PCDHA3: variants seen among roughly 807,000 people sequenced by gnomAD.
The protein encoded by PCDHA3 is protocadherin alpha 3, also known as protocadherin alpha-3.
PCDHA3 carries 41 observed loss-of-function variants against 62.2 expected under a neutral mutation model. That is an observed-to-expected ratio of 0.66 (90% confidence interval 0.51 to 0.86). The LOEUF is 0.86. Among genes scored for constraint, PCDHA3 ranks in the 40% least tolerant of loss-of-function variants. The pLI, the probability that PCDHA3 is intolerant of heterozygous loss-of-function variation, is 0.00. For synonymous variants in PCDHA3, 640 were observed against 555.4 expected, an observed-to-expected ratio of 1.15 and a Z score of -2.14; for missense variants, 1,304 against 1,241.2, an observed-to-expected ratio of 1.05 and a Z score of -0.76.
intron 1 of PCDHA3, among the ~76,000 whole-genome samples, chr5:140,945,632 A>G (rs1258111936): frequency 6.6e-6 from 1 of 152,168 alleles, no homozygotes; most frequent in African/African-American, 2.4e-5. Flanking sequence ...GGCATAAAAG[A>G]CATGTAGACC....
intron 1 of PCDHA3, among the ~76,000 whole-genome samples, chr5:140,964,719 C>T (rs1042863318): frequency 1.3e-5 from 2 of 151,420 alleles, no homozygotes; most frequent in Non-Finnish European, 2.9e-5. Flanking sequence ...ATCAAATTAC[C>T]ACAGCAAACT....
At chr5:140,858,318 G>A (rs1441459097) in intron 1 of PCDHA3, 1 of 1,596,952 alleles carries the variant, frequency 6.3e-7, no homozygotes, top group African/African-American at 1.3e-5. Flanking sequence ...CAGAGGGTGT[G>A]TTCTGGGGAG....
In PCDHA3 at chr5:140,855,913, A is replaced by G. The variant is rs560286204; in HGVS notation, c.2394+52322A>G. 287 of 1,174,758 alleles carry G rather than the reference A, an allele frequency of 2.4e-4. 22 individuals carry two copies. Among genetic ancestry groups the G allele is most frequent in the Admixed American group, 2.2e-3 (83 of 38,140 alleles). 72.8% of individuals were successfully genotyped at this position (1,174,758 alleles called of 1,614,324 possible). ...AAAGGCATCAGCCAGTTTCTCAAGG[A>G]CTAGGAAGTAGCGTCATTCTGAGAT... On this transcript the variant is annotated intron_variant, in intron 1 of 3. Transcript: ENST00000522353.
At chr5:140,869,204 C>T in intron 1 of PCDHA3, 1 of 1,613,960 alleles carries the variant, frequency 6.2e-7, no homozygotes, top group Non-Finnish European at 8.5e-7. Context: ...CTCCACTACT[C>T]CGTCTCGGAG....
At chr5:140,830,509 A>C (rs1039294822) in intron 1 of PCDHA3, 3 of 1,410,936 alleles carry the variant, frequency 2.1e-6, no homozygotes, top group Non-Finnish European at 2.8e-6. Context: ...CATAATTAAC[A>C]GTTAATTTTT....
chr5:140,932,199 A>C (rs1314795858), intron 1 of PCDHA3, among the ~76,000 whole-genome samples: 2 of 151,894 alleles, frequency 1.3e-5, no homozygotes, highest in African/African-American at 4.8e-5. Context: ...TTTTTCTGTT[A>C]ATATTCTTGA....
intron 1 of PCDHA3, among the ~76,000 whole-genome samples, chr5:140,973,778 T>C (rs910410874): frequency 3.9e-5 from 6 of 152,256 alleles, no homozygotes; most frequent in African/African-American, 1.4e-4. Context: ...ATATTATAGG[T>C]TGCCTATTGG....
chr5:140,873,928 T>C (rs944678136), intron 1 of PCDHA3, among the ~76,000 whole-genome samples: 1 of 152,216 alleles, frequency 6.6e-6, no homozygotes, highest in Non-Finnish European at 1.5e-5. Flanking sequence ...CCCAAAGTGC[T>C]GGGATTACAG....
At chr5:140,822,387 A>C (rs1767293783) in intron 1 of PCDHA3, 2 of 1,614,150 alleles carry the variant, frequency 1.2e-6, no homozygotes, top group East Asian at 4.5e-5. Context: ...GAGAAGAAAC[A>C]CAAGAACACC....
At chr5:140,976,832 A>G (rs246001) in intron 1 of PCDHA3, among the ~76,000 whole-genome samples, 14,161 of 152,268 alleles carry the variant, frequency 0.093, 806 homozygotes, top group Middle Eastern at 0.22. Context: ...AATGAGCAAA[A>G]CAGATATAAT....
At chr5:140,908,727 G>A (rs1388044565) in intron 1 of PCDHA3, among the ~76,000 whole-genome samples, 1 of 152,136 alleles carries the variant, frequency 6.6e-6, no homozygotes, top group Non-Finnish European at 1.5e-5. Context: ...GGGTCATATG[G>A]CTCGAGAAAC....
intron 1 of PCDHA3, among the ~76,000 whole-genome samples, chr5:140,941,241 T>TTCTTTCTTTCTTTCTTTCTC (rs1585048929): frequency 7.1e-6 from 1 of 140,568 alleles, no homozygotes; most frequent in East Asian, 2.0e-4. Context: ...CTTTCTTTCT[T>TTCTTTCTTTCTTTCTTTCTC]TCTTTCTTTC....
At chr5:140,955,652 A>T (rs1452679583) in intron 1 of PCDHA3, among the ~76,000 whole-genome samples, 2 of 152,180 alleles carry the variant, frequency 1.3e-5, no homozygotes, top group African/African-American at 4.8e-5. Context: ...ATTAATACAC[A>T]TATGAATTTT....
Position 140,876,990 on chromosome 5 carries a change from C to T in PCDHA3, c.2394+73399C>T, listed in dbSNP as rs374520504. The T allele has an allele frequency of 2.2e-5, 35 of 1,612,500 alleles. No individual in the cohort carries two copies. In the South Asian group the frequency reaches 2.9e-4, roughly 13 times the overall value. On this transcript the variant is annotated intron_variant, in intron 1 of 3. Coordinates refer to ENST00000522353, the MANE Select transcript of PCDHA3 (RefSeq NM_018906.3). ...GGGTGGGCGAGCACGCACTGTCGAG[C>T]TACGTGTCGGTGCACGCGGAGAGCG... is the stretch of plus-strand genomic sequence containing the variant.
intron 1 of PCDHA3, among the ~76,000 whole-genome samples, chr5:140,932,168 A>G (rs1279324749): frequency 1.3e-5 from 2 of 151,944 alleles, no homozygotes; most frequent in African/African-American, 4.8e-5. Flanking sequence ...ACAATTAGAC[A>G]ATGTGTACCT....
chr5:140,964,087 G>T (rs2095809523), intron 1 of PCDHA3, among the ~76,000 whole-genome samples: 1 of 152,078 alleles, frequency 6.6e-6, no homozygotes, highest in African/African-American at 2.4e-5. Context: ...TTGTAGAAAG[G>T]GTAATTAACA....
At chr5:140,823,674 A>G (rs2150128139) in intron 1 of PCDHA3, 1 of 1,613,986 alleles carries the variant, frequency 6.2e-7, no homozygotes, top group Non-Finnish European at 8.5e-7. Flanking sequence ...TCAGCACAAC[A>G]CGCTCTCTGG....
At position 140,828,207 on chromosome 5, in the gene PCDHA3, C is replaced by A. The variant is rs1769609355; in HGVS notation, c.2394+24616C>A. 6 of 1,614,008 alleles carry A rather than the reference C, an allele frequency of 3.7e-6. No homozygotes were observed. The highest frequency in any genetic ancestry group is 1.1e-5 in the South Asian group (1 of 91,066). ...CTCCACTACTCCGTACCCGAGGAGG[C>A]CAAACACGGCACCTTCGTGGGCCGG... On this transcript the variant is annotated intron_variant, in intron 1 of 3. Coordinates refer to ENST00000522353, the MANE Select transcript of PCDHA3 (RefSeq NM_018906.3).
chr5:140,876,154 A>C, intron 1 of PCDHA3: 2 of 1,613,972 alleles, frequency 1.2e-6, no homozygotes, highest in Non-Finnish European at 1.7e-6. Flanking sequence ...GTCTGTCCAG[A>C]TTCAAATAAC....
Sources: gnomAD v4.1 joint callset for allele counts (sites outside exome capture counted in the v4.1 genomes callset) on GRCh38, gnomAD v4.1.1 for gene constraint, MANE v1.5 for transcripts, NCBI Gene and HGNC (gene_info 2026-07-23, HGNC 2026-07-21) for gene names.